Variants in COL6A6 observed in about 807,000 individuals in gnomAD.
COL6A6 encodes collagen type VI alpha 6 chain, also known as collagen alpha-6(VI) chain.
COL6A6 carries 183 observed loss-of-function variants against 208.6 expected under a neutral mutation model. The ratio of observed to expected loss-of-function variants is 0.88; its 90% CI spans 0.78 to 0.99. COL6A6 has a LOEUF of 0.99. Ranked by LOEUF, COL6A6 falls within the 50% of genes least tolerant of loss-of-function variation. The probability of loss-of-function intolerance (pLI) is 0.00; values close to 1 mark genes in which losing one functional copy is unlikely to be tolerated. For synonymous variants in COL6A6, 973 were observed against 1,011.8 expected (o/e 0.96, Z 0.73); for missense variants, 2,816 against 2,815.2 (o/e 1.00, Z -0.01).
chr3:130,557,907 T>C (rs1383600325), intron 1 of COL6A6, among the ~76,000 whole-genome samples: 1 of 152,226 alleles, frequency 6.6e-6, no homozygotes, highest in African/African-American at 2.4e-5. Flanking sequence ...TACAGAGATC[T>C]AGATTTTTTA....
At position 130,576,314 on chromosome 3, in the gene COL6A6, C is replaced by T. The variant is rs571403614; in HGVS notation, c.3547+1789C>T. Among the ~76,000 whole-genome samples the T allele has an allele frequency of 1.8e-4, 27 of 152,198 alleles. No individual in the cohort carries two copies. The East Asian group carries it at 5.0e-3, about 28-fold the overall frequency. On this transcript the variant is annotated intron_variant, in intron 8 of 36. Coordinates refer to ENST00000358511, the MANE Select transcript of COL6A6 (RefSeq NM_001102608.3). The stretch of plus-strand genomic sequence containing the variant: ...ATGTGTGTGTGCCTGATGGGAGAGC[C>T]CACAGCACATCAACAGCTCTCTCCA...
chr3:130,650,810 T>C (rs2065619292), intron 33 of COL6A6, among the ~76,000 whole-genome samples: 1 of 152,172 alleles, frequency 6.6e-6, no homozygotes, highest in South Asian at 2.1e-4. Context: ...AAAGAATTTT[T>C]GAAAGGCAAT....
Position 130,608,965 on chromosome 3 carries a change from G to A in COL6A6, c.4752+1G>A. The A allele has an allele frequency of 2.5e-6, 4 of 1,610,572 alleles. No homozygotes were observed. Among genetic ancestry groups the A allele is most frequent in the South Asian group, 1.1e-5 (1 of 90,952 alleles). On this transcript the variant is annotated splice_donor_variant, in intron 22 of 36. Transcript: ENST00000358511. LOFTEE classifies it high-confidence loss of function. ...CTCCCTGGGACTTAAGGGCCCTCAGGTACATATCAAGACCAATCAGGGTGT... is the reference window on the plus strand; with the variant it reads ...CTCCCTGGGACTTAAGGGCCCTCAGATACATATCAAGACCAATCAGGGTGT...
intron 15 of COL6A6, 25 bp downstream of exon 15, chr3:130,592,747 A>G (rs769990842): frequency 6.3e-7 from 1 of 1,584,444 alleles, no homozygotes; most frequent in Non-Finnish European, 8.7e-7. Flanking sequence ...ACATCCATTT[A>G]CCTACCCATA....
At chr3:130,568,661 C>G in intron 6 of COL6A6, 57 bp downstream of exon 6, 1 of 1,400,714 alleles carries the variant, frequency 7.1e-7, no homozygotes, top group South Asian at 1.4e-5. Flanking sequence ...TCTTTTTTAG[C>G]CTCTATTTCT....
At chr3:130,622,370 T>C (rs2064752410) in intron 24 of COL6A6, among the ~76,000 whole-genome samples, 1 of 152,134 alleles carries the variant, frequency 6.6e-6, no homozygotes. Context: ...GAACAGTGCC[T>C]GGCATGTAAT....
chr3:130,552,675 A>T (rs147274994), intron 1 of COL6A6, among the ~76,000 whole-genome samples: 1 of 152,264 alleles, frequency 6.6e-6, no homozygotes, highest in Non-Finnish European at 1.5e-5. Context: ...TGCGAATTTC[A>T]TCCTGTCATC....
intron 1 of COL6A6, among the ~76,000 whole-genome samples, chr3:130,525,599 A>G (rs565378228): frequency 7.2e-5 from 11 of 152,320 alleles, no homozygotes; most frequent in African/African-American, 2.2e-4. Flanking sequence ...CCCACAATTT[A>G]AATCTTTTCA....
At chr3:130,637,818 T>C (rs2065201891) in intron 28 of COL6A6, among the ~76,000 whole-genome samples, 1 of 152,226 alleles carries the variant, frequency 6.6e-6, no homozygotes, top group Non-Finnish European at 1.5e-5. Context: ...GTATGCATTT[T>C]GTTTTTCTTT....
intron 8 of COL6A6, 70 bp downstream of exon 8, chr3:130,574,595 T>G: frequency 7.9e-7 from 1 of 1,269,130 alleles, no homozygotes; most frequent in Non-Finnish European, 1.1e-6. Flanking sequence ...CCAGCTCCAT[T>G]GTCATCCCCT....
chr3:130,621,861 G>T lies in COL6A6; in HGVS notation c.4856G>T (p.Arg1619Leu). 2 of 1,613,770 alleles carry T rather than the reference G, an allele frequency of 1.2e-6. No homozygotes were observed. The highest frequency in any genetic ancestry group is 1.7e-6 in the Non-Finnish European group (2 of 1,179,742). Reference sequence around the variant, plus strand: ...GGAGGAGAGGCAGGGAATCAAGGCCGTTTGGGAAGCCAAGGAAATAAAGTA... The same window carrying T: ...GGAGGAGAGGCAGGGAATCAAGGCCTTTTGGGAAGCCAAGGAAATAAAGTA... ...GPGGEAGNQG[R>L]LGSQGNKGEP... Residue 1619 changes from arginine to leucine, a missense_variant, in exon 24 of 37, where the codon CGT (arginine) becomes CTT (leucine). Transcript: ENST00000358511.
chr3:130,522,266 CT>C (rs1711117689), intron 1 of COL6A6, among the ~76,000 whole-genome samples: 1 of 152,138 alleles, frequency 6.6e-6, no homozygotes, highest in Non-Finnish European at 1.5e-5. Context: ...TTGGTCATAA[CT>C]GGATCCTAAA....
intron 1 of COL6A6, among the ~76,000 whole-genome samples, chr3:130,554,049 C>G (rs980800122): frequency 6.6e-6 from 1 of 152,172 alleles, no homozygotes; most frequent in African/African-American, 2.4e-5. Context: ...TCTCTGGCCC[C>G]TTGAGGTTAG....
chr3:130,588,142 TC>T (rs2063582820), intron 11 of COL6A6, among the ~76,000 whole-genome samples: 1 of 152,234 alleles, frequency 6.6e-6, no homozygotes, highest in Non-Finnish European at 1.5e-5. Context: ...GGTTGCTTTT[TC>T]TGAAATTGTC....
At chr3:130,525,596 T>C (rs1277860371) in intron 1 of COL6A6, among the ~76,000 whole-genome samples, 1 of 152,194 alleles carries the variant, frequency 6.6e-6, no homozygotes, top group African/African-American at 2.4e-5. Flanking sequence ...TCTCCCACAA[T>C]TTAAATCTTT....
At chr3:130,628,812 C>T (rs1220967634) in intron 26 of COL6A6, among the ~76,000 whole-genome samples, 2 of 68,724 alleles carry the variant, frequency 2.9e-5, no homozygotes, top group East Asian at 3.8e-4. Flanking sequence ...TCTGCATTTC[C>T]ATCTGAGACC....
At chr3:130,639,189 T>C (rs2065238385) in intron 28 of COL6A6, among the ~76,000 whole-genome samples, 1 of 152,232 alleles carries the variant, frequency 6.6e-6, no homozygotes, top group African/African-American at 2.4e-5. Flanking sequence ...TTTCAAGAGC[T>C]TGTTATTGTT....
intron 23 of COL6A6, among the ~76,000 whole-genome samples, chr3:130,611,843 C>T (rs1048324170): frequency 1.3e-5 from 2 of 152,160 alleles, no homozygotes; most frequent in Non-Finnish European, 2.9e-5. Context: ...TGCAGGCAAA[C>T]TGCATGTCAT....
At chr3:130,564,143 T>C (rs2107875161) in intron 3 of COL6A6, among the ~76,000 whole-genome samples, 1 of 152,360 alleles carries the variant, frequency 6.6e-6, no homozygotes, top group South Asian at 2.1e-4. Context: ...TTAGAAGTGA[T>C]GTGCCTTGGC....
Sources: allele counts gnomAD v4.1 joint callset (sites outside exome capture counted in the v4.1 genomes callset), GRCh38; gene constraint gnomAD v4.1.1; transcripts MANE v1.5; gene names NCBI Gene and HGNC (gene_info 2026-07-23, HGNC 2026-07-21).